DOC2A: variants seen among roughly 807,000 people sequenced by gnomAD.
DOC2A encodes double C2-like domain-containing protein alpha.
In DOC2A, 28 loss-of-function variants were observed where a neutral mutation model predicts 40.6. The ratio of observed to expected loss-of-function variants is 0.69; its 90% CI spans 0.51 to 0.95. DOC2A has a LOEUF of 0.95. Ranked by LOEUF, DOC2A falls within the 40% of genes least tolerant of loss-of-function variation. The probability of loss-of-function intolerance (pLI) is 0.00; values close to 1 mark genes in which losing one functional copy is unlikely to be tolerated. For missense variants in DOC2A, 474 were observed against 552.5 expected, an observed-to-expected ratio of 0.86 and a Z score of 1.42; for synonymous variants, 241 against 236.9, an observed-to-expected ratio of 1.02 and a Z score of -0.16.
chr16:30,011,383 C>G, upstream of DOC2A: 2 of 985,352 alleles, frequency 2.0e-6, no homozygotes, highest in Non-Finnish European at 2.4e-6. Context: ...CCCTGCGCCA[C>G]CAGGAAGCAG....
At chr16:30,016,866 AG>A (rs2070860851), upstream of DOC2A, among the ~76,000 whole-genome samples, 1 of 152,186 alleles carries the variant, frequency 6.6e-6, no homozygotes, top group Admixed American at 6.5e-5. Context: ...ACGTGGGGAC[AG>A]GGGATGGTCA....
upstream of DOC2A, among the ~76,000 whole-genome samples, chr16:30,014,705 C>T (rs971716452): frequency 9.3e-5 from 14 of 150,868 alleles, no homozygotes; most frequent in African/African-American, 1.7e-4. Context: ...TTTGGGAGGC[C>T]GAGGCGGGAG....
In DOC2A at chr16:30,010,099, G is replaced by A. The variant is rs1217537559; in HGVS notation, c.124C>T (p.Pro42Ser). 1.2e-6 allele frequency: 2 copies of A among 1,613,134 alleles called. No individual in the cohort carries two copies. Among genetic ancestry groups the A allele is most frequent in the Non-Finnish European group, 1.7e-6 (2 of 1,179,492 alleles). Residue 42 changes from proline to serine, a missense_variant, in exon 2 of 11, where the codon CCT (proline) becomes TCT (serine). By Grantham distance (74) the Pro-to-Ser change is moderately conservative. Coordinates refer to ENST00000350119, the MANE Select transcript of DOC2A (RefSeq NM_003586.3). The surrounding 1 kb of genome is among the most constrained non-coding windows in gnomAD (Gnocchi z 4.2). Reference protein sequence around the residue: ...ISDYFPRGPGPEGGGGGGGEA... With the variant: ...ISDYFPRGPGSEGGGGGGGEA... ...CCGCCGCCCCCGCCGCCCCCTTCAG[G>A]TCCTGGTCCCCGGGGGAAGTAGTCA...
chr16:30,013,622 A>AAAAAAAAATAAAAAAT (rs2070821662), upstream of DOC2A: 1 of 141,520 alleles, frequency 7.1e-6, no homozygotes, highest in South Asian at 2.2e-4. Flanking sequence ...AAAAAAAAAA[A>AAAAAAAAATAAAAAAT]AAAAATCCTT....
rs1459229434 is a variant in DOC2A, at chr16:30,006,802, C to T, written c.861G>A (p.Ser287=). 2.5e-6 allele frequency: 4 copies of T among 1,613,622 alleles called. No homozygotes were observed. In the Admixed American group the frequency reaches 5.0e-5, roughly 20 times the overall value. ...GGGCTCACGTCTTGACGTAGGGGTC[C>T]GAGTAACCGTTGACGTCCATGGCAG... is the stretch of plus-strand genomic sequence containing the variant. The part of the protein sequence containing the change: ...HLAAMDVNGY[S]DPYVKTYLRP... Residue 287 remains serine, a synonymous_variant, in exon 8 of 11, where the codon TCG becomes TCA. Coordinates refer to ENST00000350119, the MANE Select transcript of DOC2A (RefSeq NM_003586.3). This position sits in a 1 kb window ranked among gnomAD's most constrained non-coding sequence, Gnocchi z 6.2.
At chr16:30,022,130 A>G (rs915881382), upstream of DOC2A, among the ~76,000 whole-genome samples, 6 of 151,498 alleles carry the variant, frequency 4.0e-5, no homozygotes, top group Non-Finnish European at 8.8e-5. Flanking sequence ...CGCGCCTGTA[A>G]TCCCACTCCA....
At chr16:30,011,528 A>C, upstream of DOC2A, 1 of 491,216 alleles carries the variant, frequency 2.0e-6, no homozygotes, top group Non-Finnish European at 2.6e-6. Context: ...TGTCATGGCG[A>C]CGCCGGCTCA....
Position 30,006,923 on chromosome 16 carries a change from C to T in DOC2A, c.740G>A (p.Gly247Glu), listed in dbSNP as rs1166894887. 4 of 1,613,128 alleles carry T rather than the reference C, an allele frequency of 2.5e-6. No homozygotes were observed. The highest frequency in any genetic ancestry group is 2.5e-6 in the Non-Finnish European group (3 of 1,179,614). The change falls in exon 8 of 11, where the codon GGG becomes GAG. Residue 247 changes from glycine to glutamate, a missense_variant. Physicochemically the swap from Gly to Glu is moderately conservative, Grantham distance 98. Transcript: ENST00000350119. The surrounding 1 kb of genome is among the most constrained non-coding windows in gnomAD (Gnocchi z 6.2). Reference protein sequence around the residue: ...KELEQAEQGQGLLEERGRILL... With the variant: ...KELEQAEQGQELLEERGRILL... ...GATGCGGCCACGCTCCTCCAGCAGCCCCTGCCCCTGCTCCGCCTGCTCCAA... is the reference window on the plus strand; with the variant it reads ...GATGCGGCCACGCTCCTCCAGCAGCTCCTGCCCCTGCTCCGCCTGCTCCAA...
rs758814328 is a variant in DOC2A at position 30,005,694 on chromosome 16, G to A, written c.*492C>T. ...GCCGGGAGCATCTGCCACCTGCTGG[G>A]GAGGCAGAGACCCTGCAATGGCCAC... On this transcript the variant is annotated 3_prime_UTR_variant, in exon 11 of 11. Transcript: ENST00000350119. 9.1e-6 allele frequency: 5 copies of A among 549,486 alleles called. No individual in the cohort carries two copies. The highest frequency in any genetic ancestry group is 1.6e-5 in the Non-Finnish European group (5 of 315,050). The allele number at this position is 549,486 out of a possible 1,614,324, so 34.0% of individuals were successfully genotyped here.
rs2070723702 is a variant in DOC2A, at chr16:30,009,795, T to C, written c.262+166A>G. On this transcript the variant is annotated intron_variant, in intron 2 of 10. Transcript: ENST00000350119. This position sits in a 1 kb window ranked among gnomAD's most constrained non-coding sequence, Gnocchi z 4.1. Reference sequence around the variant, plus strand: ...TGAATATTGAGCCTTGCTGAAGCTGTAATCTCCACGCTGACTGCAGCTGTG... The same window carrying C: ...TGAATATTGAGCCTTGCTGAAGCTGCAATCTCCACGCTGACTGCAGCTGTG... Among the ~76,000 whole-genome samples, 1 of 152,098 alleles carries C rather than the reference T, an allele frequency of 6.6e-6. No individual in the cohort carries two copies. Among genetic ancestry groups the C allele is most frequent in the African/African-American group, 2.4e-5 (1 of 41,402 alleles).
chr16:30,017,895 G>A (rs1201043050), intron 1 of DOC2A, among the ~76,000 whole-genome samples: 1 of 151,324 alleles, frequency 6.6e-6, no homozygotes, highest in Non-Finnish European at 1.5e-5. Context: ...GGGAGGTGGA[G>A]GTTGCAATGA....
chr16:30,007,216 G>A lies in DOC2A; in HGVS notation c.611C>T (p.Ser204Leu), dbSNP rs200639006. ...GCAGATGTTAAAATGCTTCTTCTGC[G>A]AAGGCTTGAGGCGGCGGAGGGGCAC... ...IRVPLRRLKPSQKKHFNICLE... is the reference protein window; with the variant it reads ...IRVPLRRLKPLQKKHFNICLE... Residue 204 changes from serine (S) to leucine (L), a missense_variant, in exon 6 of 11, where the codon TCG becomes TTG. Ser to Leu is a moderately radical substitution (Grantham distance 145). Coordinates refer to ENST00000350119, the MANE Select transcript of DOC2A (RefSeq NM_003586.3). The A allele has an allele frequency of 8.7e-6, 14 of 1,614,024 alleles. No individual in the cohort carries two copies. Among genetic ancestry groups the A allele is most frequent in the African/African-American group, 6.7e-5 (5 of 75,058 alleles).
At chr16:30,011,160 G>T, upstream of DOC2A, 2 of 660,466 alleles carry the variant, frequency 3.0e-6, no homozygotes, top group Non-Finnish European at 3.8e-6. Flanking sequence ...GAGCGCACGC[G>T]AGCGCGCACA....
upstream of DOC2A, among the ~76,000 whole-genome samples, chr16:30,017,205 G>A (rs1198971461): frequency 1.3e-5 from 2 of 151,748 alleles, no homozygotes; most frequent in East Asian, 3.9e-4. Flanking sequence ...CTTGAGCCCA[G>A]GAGTTTGAGG....
In DOC2A at chr16:30,007,060, G is replaced by C. The variant is rs770468720; in HGVS notation, c.685C>G (p.Leu229Val). Residue 229 changes from leucine (L) to valine (V), a missense_variant, in exon 7 of 11, where the codon CTG (leucine) becomes GTG (valine). Transcript: ENST00000350119. ...TTCAGATAACAGGAGATGCCCCTCA[G>C]CGCCGCTGACATGGAAGAGGGGGAC... ...LASPSSMSAA[L>V]RGISCYLKEL... The C allele has an allele frequency of 6.2e-7, 1 of 1,613,926 alleles. No individual in the cohort carries two copies. The highest frequency in any genetic ancestry group is 1.1e-5 in the South Asian group (1 of 91,068).
At chr16:30,018,796 G>A (rs1485271799) in intron 1 of DOC2A, 1 of 152,248 alleles carries the variant, frequency 6.6e-6, no homozygotes, top group East Asian at 1.9e-4. Flanking sequence ...CACCTAGGCA[G>A]AGAATATAGA....
upstream of DOC2A, chr16:30,011,091 AG>A: frequency 1.1e-5 from 2 of 182,784 alleles, no homozygotes; most frequent in Non-Finnish European, 1.4e-5. Flanking sequence ...GGGGACGGGG[AG>A]GGGCGCTGGG....
At chr16:30,015,464 C>T (rs1380434543), upstream of DOC2A, among the ~76,000 whole-genome samples, 1 of 152,022 alleles carries the variant, frequency 6.6e-6, no homozygotes, top group African/African-American at 2.4e-5. Flanking sequence ...TACAGGCACC[C>T]GCCATCATGC....
At chr16:30,022,868 A>G (rs11150583), upstream of DOC2A, 72,192 of 158,528 alleles carry the variant, frequency 0.46, 16,714 homozygotes, top group African/African-American at 0.48. Context: ...GGCTGAGGCA[A>G]GAGAATCACT....
Sources: allele counts gnomAD v4.1 joint callset (sites outside exome capture counted in the v4.1 genomes callset), GRCh38; gene constraint gnomAD v4.1.1; non-coding constraint Gnocchi (gnomAD v3.1); transcripts MANE v1.5; gene names NCBI Gene and HGNC (gene_info 2026-07-23, HGNC 2026-07-21).